The following GLRA2 variants were observed in gnomAD, a reference collection of about 807,000 sequenced individuals.
The protein encoded by GLRA2 is glycine receptor alpha 2, also known as glycine receptor subunit alpha-2.
In GLRA2, 11 loss-of-function variants were observed where a neutral mutation model predicts 31.6. The observed-to-expected ratio is 0.35, with a 90% CI of 0.22 to 0.58. GLRA2 has a LOEUF of 0.58. Ranked by LOEUF, GLRA2 falls within the 20% of genes least tolerant of loss-of-function variation. The probability of loss-of-function intolerance (pLI) is 0.84; values close to 1 mark genes in which losing one functional copy is unlikely to be tolerated. For missense variants in GLRA2, 212 were observed against 351.8 expected (o/e 0.60, Z 3.18); for synonymous variants, 132 against 134.0 (o/e 0.99, Z 0.10).
At chrX:14,706,083 C>A (rs2091616527) in intron 8 of GLRA2, among the ~76,000 whole-genome samples, 1 of 42,436 alleles carries the variant, frequency 2.4e-5, no homozygotes, top group African/African-American at 7.2e-5. Context: ...ACCATTAAAT[C>A]AGAATATTTA....
rs549221996 is a variant in GLRA2, at chrX:14,707,863, A to G, written c.1080+17004A>G. Among the ~76,000 whole-genome samples the G allele has an allele frequency of 1.3e-3, 147 of 111,062 alleles. 1 individual carries two copies. Among genetic ancestry groups the G allele is most frequent in the Middle Eastern group, 4.7e-3 (1 of 212 alleles). ...TAATTGACAATTAGAAATCATATAT[A>G]TTTAAGGTATACGACTTGATGATTT... On this transcript the variant is annotated intron_variant, in intron 8 of 8. Coordinates refer to ENST00000218075, the MANE Select transcript of GLRA2 (RefSeq NM_002063.4).
chrX:14,727,389 C>G (rs1298050153), intron 8 of GLRA2, among the ~76,000 whole-genome samples: 1 of 112,051 alleles, frequency 8.9e-6, no homozygotes, highest in Non-Finnish European at 1.9e-5. Context: ...AGGCACAGAA[C>G]AGAAATATCC....
chrX:14,513,484 AGAGT>A, the GLRA2 span, among the ~76,000 whole-genome samples: 2 of 112,141 alleles, frequency 1.8e-5, no homozygotes, highest in African/African-American at 6.5e-5. Flanking sequence ...GACAACCCAC[AGAGT>A]GAGAGAAAAT....
At chrX:14,548,347 T>C (rs1258353813) in intron 2 of GLRA2, among the ~76,000 whole-genome samples, 1 of 111,831 alleles carries the variant, frequency 8.9e-6, no homozygotes, top group African/African-American at 3.2e-5. Flanking sequence ...CTGCCCTTTC[T>C]ATTACAGGTT....
chrX:14,646,385 AT>A (rs773163894), intron 7 of GLRA2, among the ~76,000 whole-genome samples: 8 of 112,070 alleles, frequency 7.1e-5, no homozygotes, highest in African/African-American at 2.6e-4. Flanking sequence ...TACCTGATTA[AT>A]ATTTTAATTA....
intron 7 of GLRA2, among the ~76,000 whole-genome samples, chrX:14,623,062 C>T (rs993777125): frequency 1.2e-4 from 13 of 111,509 alleles, no homozygotes; most frequent in Non-Finnish European, 5.6e-5. Context: ...ACAGGTCCCT[C>T]GCATCCCTGG....
intron 4 of GLRA2, among the ~76,000 whole-genome samples, chrX:14,585,962 A>C (rs938275922): frequency 8.9e-6 from 1 of 112,366 alleles, no homozygotes; most frequent in Non-Finnish European, 1.9e-5. Flanking sequence ...GCAAATATCA[A>C]TTGCATTTAA....
intron 8 of GLRA2, among the ~76,000 whole-genome samples, chrX:14,701,625 G>A (rs1411450742): frequency 9.0e-6 from 1 of 111,638 alleles, no homozygotes; most frequent in African/African-American, 3.3e-5. Flanking sequence ...AATGAAAGGA[G>A]AATATTTTAC....
intron 7 of GLRA2, among the ~76,000 whole-genome samples, chrX:14,682,089 G>A (rs2091219970): frequency 9.6e-6 from 1 of 104,063 alleles, no homozygotes; most frequent in African/African-American, 3.5e-5. Context: ...GGCTAAGAAG[G>A]AACAGATAAG....
At chrX:14,691,633 A>T (rs1008599849) in intron 8 of GLRA2, among the ~76,000 whole-genome samples, 1 of 111,265 alleles carries the variant, frequency 9.0e-6, no homozygotes, top group Admixed American at 9.6e-5. Flanking sequence ...CTAAACCTCA[A>T]TGTTAGGAGG....
At chrX:14,472,959 C>A in the GLRA2 span, among the ~76,000 whole-genome samples, 1 of 110,947 alleles carries the variant, frequency 9.0e-6, no homozygotes, top group Admixed American at 9.6e-5. Flanking sequence ...CTGGGGGATC[C>A]TAAGGGATGC....
chrX:14,574,483 A>G (rs376994031), intron 3 of GLRA2, 83 bp downstream of exon 3: 10 of 1,197,092 alleles, frequency 8.4e-6, no homozygotes, highest in Non-Finnish European at 1.0e-5. Flanking sequence ...TCTATTGTTC[A>G]ACTTGCAGGG....
At chrX:14,666,016 T>A (rs901969061) in intron 7 of GLRA2, among the ~76,000 whole-genome samples, 1 of 110,070 alleles carries the variant, frequency 9.1e-6, no homozygotes, top group Non-Finnish European at 1.9e-5. Context: ...ATGAGTTATA[T>A]ATTAACTTTT....
At chrX:14,562,982 C>T (rs1168423813) in intron 2 of GLRA2, among the ~76,000 whole-genome samples, 1 of 112,012 alleles carries the variant, frequency 8.9e-6, no homozygotes, top group Non-Finnish European at 1.9e-5. Flanking sequence ...AACTAAAAAT[C>T]TTAAAGGGCA....
chrX:14,491,064 A>G, the GLRA2 span, among the ~76,000 whole-genome samples: 3 of 111,951 alleles, frequency 2.7e-5, no homozygotes, highest in African/African-American at 9.7e-5. Flanking sequence ...TTATAGTCAG[A>G]ATTACTATAA....
intron 7 of GLRA2, among the ~76,000 whole-genome samples, chrX:14,647,475 A>C (rs924485297): frequency 9.0e-6 from 1 of 111,423 alleles, no homozygotes; most frequent in Non-Finnish European, 1.9e-5. Context: ...TCCATTTCTT[A>C]TAACTCCCAG....
At chrX:14,693,054 A>G (rs1033864957) in intron 8 of GLRA2, among the ~76,000 whole-genome samples, 114 of 108,288 alleles carry the variant, frequency 1.1e-3, no homozygotes, top group Middle Eastern at 4.7e-3. Flanking sequence ...ACAAAAAAAA[A>G]AAAGAAAGAG....
chrX:14,627,803 C>G (rs186344752), intron 7 of GLRA2, among the ~76,000 whole-genome samples: 1 of 111,604 alleles, frequency 9.0e-6, no homozygotes, highest in African/African-American at 3.2e-5. Context: ...GTTTCTTGCC[C>G]TATGTAACCC....
intron 7 of GLRA2, among the ~76,000 whole-genome samples, chrX:14,664,691 T>C (rs1235172102): frequency 8.9e-6 from 1 of 112,307 alleles, no homozygotes; most frequent in Non-Finnish European, 1.9e-5. Flanking sequence ...ACATTCAAGG[T>C]CCTTGAAAAC....
Sources: gnomAD v4.1 joint callset for allele counts (sites outside exome capture counted in the v4.1 genomes callset) on GRCh38, gnomAD v4.1.1 for gene constraint, MANE v1.5 for transcripts, NCBI Gene and HGNC (gene_info 2026-07-23, HGNC 2026-07-21) for gene names.